Variants in NVL observed in about 807,000 individuals in gnomAD.
The protein encoded by NVL is nuclear valosin-containing protein-like.
In NVL, 84 loss-of-function variants were observed where a neutral mutation model predicts 110.2. The observed-to-expected ratio is 0.76, with a 90% CI of 0.64 to 0.91. NVL has a LOEUF of 0.91. Ranked by LOEUF, NVL falls within the 40% of genes least tolerant of loss-of-function variation. NVL has a pLI of 0.00. For synonymous variants in NVL, 354 were observed against 361.1 expected (o/e 0.98, Z 0.22); for missense variants, 882 against 1,035.9 (o/e 0.85, Z 2.04).
At chr1:224,255,229 G>A (rs1260022704) in intron 18 of NVL, among the ~76,000 whole-genome samples, 13 of 111,272 alleles carry the variant, frequency 1.2e-4, no homozygotes, top group South Asian at 9.7e-4. Flanking sequence ...TCGCTCTGCC[G>A]TCCAGGCTGG....
intron 15 of NVL, among the ~76,000 whole-genome samples, chr1:224,282,525 G>A (rs1379493928): frequency 6.6e-6 from 1 of 152,216 alleles, no homozygotes; most frequent in Non-Finnish European, 1.5e-5. Flanking sequence ...AAGAGTCAGT[G>A]TTGAGAAACT....
At chr1:224,239,753 T>A (rs753415605) in intron 19 of NVL, among the ~76,000 whole-genome samples, 14 of 152,166 alleles carry the variant, frequency 9.2e-5, no homozygotes, top group Non-Finnish European at 1.8e-4. Context: ...TTCATCAAAT[T>A]GTATTTAATG....
intron 15 of NVL, among the ~76,000 whole-genome samples, chr1:224,285,252 T>A (rs2102612981): frequency 6.6e-6 from 1 of 152,158 alleles, no homozygotes; most frequent in Non-Finnish European, 1.5e-5. Flanking sequence ...CTAACCAACA[T>A]GGTGAAACCC....
chr1:224,243,150 C>T (rs1558244133), intron 19 of NVL, among the ~76,000 whole-genome samples: 1 of 151,776 alleles, frequency 6.6e-6, no homozygotes, highest in Non-Finnish European at 1.5e-5. Flanking sequence ...TTTTTATTCA[C>T]ACAGTCGACT....
chr1:224,227,741 A>T (rs2102678450), intron 22 of NVL, 71 bp from the exon 23 acceptor site: 1 of 1,480,390 alleles, frequency 6.8e-7, no homozygotes, highest in East Asian at 2.3e-5. Flanking sequence ...GCCCCCCAAA[A>T]TTCACATGCT....
At chr1:224,301,455 C>G (rs1443361351) in intron 9 of NVL, among the ~76,000 whole-genome samples, 4 of 152,132 alleles carry the variant, frequency 2.6e-5, no homozygotes, top group Non-Finnish European at 5.9e-5. Context: ...GGTTGTGACA[C>G]AGATGTTTCC....
chr1:224,236,389 G>A (rs1309551841), intron 20 of NVL, 117 bp downstream of exon 20: 19 of 749,126 alleles, frequency 2.5e-5, no homozygotes, highest in Non-Finnish European at 3.7e-5. Context: ...TGTGCTTCAT[G>A]GGATACCTCA....
intron 4 of NVL, 22 bp downstream of exon 4, chr1:224,317,672 A>G: frequency 7.2e-7 from 1 of 1,384,518 alleles, no homozygotes; most frequent in South Asian, 1.2e-5. Context: ...GTTTAAAAAA[A>G]CCCTGCATTT....
intron 18 of NVL, among the ~76,000 whole-genome samples, chr1:224,263,533 G>A (rs571950310): frequency 6.6e-6 from 1 of 152,166 alleles, no homozygotes; most frequent in East Asian, 1.9e-4. Flanking sequence ...CTCAGAAGTG[G>A]CAAAACATTT....
chr1:224,281,359 G>A (rs988753443), intron 15 of NVL, among the ~76,000 whole-genome samples, 174 bp from the exon 16 acceptor site: 7 of 151,680 alleles, frequency 4.6e-5, no homozygotes, highest in Admixed American at 3.3e-4. Context: ...GAAGTGCAGT[G>A]GCGCGATCTC....
intron 6 of NVL, 57 bp downstream of exon 6, chr1:224,307,934 C>G: frequency 6.8e-7 from 1 of 1,475,398 alleles, no homozygotes; most frequent in Non-Finnish European, 9.0e-7. Flanking sequence ...TTATATTCAA[C>G]TAAAAGGTTG....
chr1:224,313,158 C>CAAA (rs760756328), intron 4 of NVL: 13 of 79,176 alleles, frequency 1.6e-4, no homozygotes, highest in East Asian at 3.7e-4. Context: ...GACGCTGTCT[C>CAAA]AAAAAAAAAA....
rs1348927027 is a variant in NVL, at chr1:224,289,325, GAAATGATAAACATCGTGGGTAT to G, written c.1575+137_1575+158del. 4 of 583,910 alleles carry G rather than the reference GAAATGATAAACATCGTGGGTAT, an allele frequency of 6.9e-6. No homozygotes were observed. In the African/African-American group the frequency reaches 7.6e-5, roughly 11 times the overall value. 36.2% of individuals were successfully genotyped at this position (583,910 alleles called of 1,614,324 possible). A position where few individuals can be genotyped will look rare whatever the true frequency, so the allele number is the denominator to read the frequency against. ...TAAACATAAAACAACTCATATTTTT[GAAATGATAAACATCGTGGGTAT>G]AAATGATAAGTATTCTATAGATTAA... On this transcript the variant is annotated intron_variant, in intron 13 of 22. Coordinates refer to ENST00000281701, the MANE Select transcript of NVL (RefSeq NM_002533.4).
At chr1:224,266,458 T>C (rs1232474120) in intron 18 of NVL, among the ~76,000 whole-genome samples, 1 of 152,222 alleles carries the variant, frequency 6.6e-6, no homozygotes. Flanking sequence ...CTCTCATGCA[T>C]GCTCTTGTGC....
intron 4 of NVL, among the ~76,000 whole-genome samples, chr1:224,316,810 A>G (rs924694302): frequency 5.3e-5 from 8 of 152,128 alleles, no homozygotes; most frequent in Non-Finnish European, 8.8e-5. Flanking sequence ...GAGTATATCT[A>G]TATGTCAAAA....
In NVL at chr1:224,289,488, G is replaced by A. The variant is rs1485410085; in HGVS notation, c.1571C>T (p.Thr524Ile). ...AGGTGCCTTTAGAGAAAGCACCTGTGTTTCAGAAGTGGGCTCAGTTCCCAG... is the reference window on the plus strand; with the variant it reads ...AGGTGCCTTTAGAGAAAGCACCTGTATTTCAGAAGTGGGCTCAGTTCCCAG... ...ERLGTEPTSE[T>I]QDELQRLLGL... The change falls in exon 13 of 23, where the codon ACA (threonine) becomes ATA (isoleucine). Residue 524 changes from threonine (T) to isoleucine (I), a missense_variant. Around this residue, in one of 4 missense-constraint regions of NVL, gnomAD observed 416 missense variants for 499.3 expected, o/e 0.83. Coordinates refer to ENST00000281701, the MANE Select transcript of NVL (RefSeq NM_002533.4). 6.2e-7 allele frequency: 1 copy of A among 1,614,034 alleles called. No individual in the cohort carries two copies. Among genetic ancestry groups the A allele is most frequent in the African/African-American group, 1.3e-5 (1 of 75,036 alleles).
At chr1:224,282,487 A>C (rs1666460585) in intron 15 of NVL, among the ~76,000 whole-genome samples, 2 of 152,250 alleles carry the variant, frequency 1.3e-5, no homozygotes, top group Non-Finnish European at 2.9e-5. Flanking sequence ...TACAAATGAA[A>C]ATTTAACATC....
chr1:224,294,512 T>G, intron 11 of NVL, 101 bp from the exon 12 acceptor site: 3 of 1,259,436 alleles, frequency 2.4e-6, no homozygotes, highest in Non-Finnish European at 3.4e-6. Flanking sequence ...TATTACAGAT[T>G]TTGACAGCAA....
intron 20 of NVL, among the ~76,000 whole-genome samples, chr1:224,233,498 G>A (rs112295130): frequency 0.01 from 1,598 of 152,300 alleles, 29 homozygotes; most frequent in African/African-American, 0.036. Context: ...AGTGGCTCAC[G>A]CCTATAATCC....
Sources: gnomAD v4.1 joint callset for allele counts (sites outside exome capture counted in the v4.1 genomes callset) on GRCh38, gnomAD v4.1.1 for gene constraint, gnomAD v4.1.1 regional missense constraint, MANE v1.5 for transcripts, NCBI Gene and HGNC (gene_info 2026-07-23, HGNC 2026-07-21) for gene names.